Variants in GDAP1L1 observed in about 807,000 individuals in gnomAD.
The protein encoded by GDAP1L1 is ganglioside induced differentiation associated protein 1 like 1, also known as ganglioside-induced differentiation-associated protein 1-like 1.
Under a neutral mutation model 37.1 loss-of-function variants are expected in GDAP1L1, and 21 were observed. The ratio of observed to expected loss-of-function variants is 0.57; its 90% CI spans 0.40 to 0.81. GDAP1L1 has a LOEUF of 0.81. Ranked by LOEUF, GDAP1L1 falls within the 40% of genes least tolerant of loss-of-function variation. GDAP1L1 has a pLI of 0.00. For synonymous variants in GDAP1L1, 193 were observed against 209.1 expected (o/e 0.92, Z 0.67); for missense variants, 362 against 491.6 (o/e 0.74, Z 2.49).
At chr20:44,247,544 G>A in intron 1 of GDAP1L1, 30 bp downstream of exon 1, 1 of 1,467,626 alleles carries the variant, frequency 6.8e-7, no homozygotes, top group Non-Finnish European at 9.0e-7. Flanking sequence ...CGCCTGCGCC[G>A]GTGGCCAGGA....
chr20:44,265,599 T>C (rs1449266720), intron 5 of GDAP1L1: 2 of 563,408 alleles, frequency 3.5e-6, no homozygotes, highest in Non-Finnish European at 4.5e-6. Context: ...GCTTTCCCTA[T>C]TGAAGCCTCA....
chr20:44,272,969 GAA>G (rs949550401), intron 5 of GDAP1L1, among the ~76,000 whole-genome samples: 16 of 152,208 alleles, frequency 1.1e-4, no homozygotes, highest in African/African-American at 3.9e-4. Flanking sequence ...ACAGACGCAT[GAA>G]GAGATCTGCA....
chr20:44,267,573 T>C (rs1204994820), intron 5 of GDAP1L1, among the ~76,000 whole-genome samples: 2 of 148,424 alleles, frequency 1.3e-5, no homozygotes, highest in African/African-American at 5.0e-5. Context: ...ATTGTACCAC[T>C]GCACTCCAGC....
At position 44,276,444 on chromosome 20, in the gene GDAP1L1, G is replaced by GA. The variant is rs140470094; in HGVS notation, c.761-2510dup. 3.1e-3 allele frequency among the ~76,000 whole-genome samples: 406 copies of GA among 129,190 alleles called. 6 individuals are homozygous for GA. The highest frequency in any genetic ancestry group is 0.012 in the East Asian group (30 of 2,440). 84.8% of individuals were successfully genotyped at this position (129,190 alleles called of 152,430 possible). A position where few individuals can be genotyped will look rare whatever the true frequency, so the allele number is the denominator to read the frequency against. ...AGAAAGAAAGAAAGAAAGAAAGAAA[G>GA]AAAGAAAGAAAGAAAGAAAGAAAAA... On this transcript the variant is annotated intron_variant, in intron 5 of 5. Transcript: ENST00000342560.
rs956639772 is a variant in GDAP1L1, at chr20:44,257,042, T to TC, written c.181-107dup. On this transcript the variant is annotated intron_variant, in intron 1 of 5. Coordinates refer to ENST00000342560, the MANE Select transcript of GDAP1L1 (RefSeq NM_024034.6). The stretch of plus-strand genomic sequence containing the variant: ...CAAGAATGGGCTGAAAGCAATCGTG[T>TC]CCCCTCCTGTGTGTGACCTCTGACC... 1.2e-5 allele frequency: 13 copies of TC among 1,124,872 alleles called. No individual in the cohort carries two copies. The African/African-American group carries it at 1.9e-4, about 16-fold the overall frequency. The allele number at this position is 1,124,872 out of a possible 1,614,324, so 69.7% of individuals were successfully genotyped here.
At position 44,279,061 on chromosome 20, in the gene GDAP1L1, T is replaced by C. The variant is rs749288709; in HGVS notation, c.865T>C (p.Tyr289His). The change falls in exon 6 of 6, where the codon TAC becomes CAC. Residue 289 changes from tyrosine to histidine, a missense_variant. Physicochemically the swap from Tyr to His is moderately conservative, Grantham distance 83. Transcript: ENST00000342560. Reference sequence around the variant, plus strand: ...CAAGTTCCTGGGACTGTCCAAGAAATACTGGGAAGATGGCAGCCGGCCCAA... The same window carrying C: ...CAAGTTCCTGGGACTGTCCAAGAAACACTGGGAAGATGGCAGCCGGCCCAA... ...RLKFLGLSKK[Y>H]WEDGSRPNLQ... 1.1e-5 allele frequency: 18 copies of C among 1,613,938 alleles called. No homozygotes were observed. The Admixed American group carries it at 2.0e-4, about 18-fold the overall frequency.
Position 44,280,188 on chromosome 20 carries a change from C to T in GDAP1L1, c.*888C>T, listed in dbSNP as rs577220105. 9.3e-5 allele frequency: 22 copies of T among 236,428 alleles called. No homozygotes were observed. Among genetic ancestry groups the T allele is most frequent in the African/African-American group, 4.1e-4 (18 of 44,254 alleles). The allele number at this position is 236,428 out of a possible 1,614,324, so 14.6% of individuals were successfully genotyped here. A position where few individuals can be genotyped will look rare whatever the true frequency, so the allele number is the denominator to read the frequency against. The stretch of plus-strand genomic sequence containing the variant: ...AATATCCCCCCCTTCCTGTCACTCC[C>T]GGGGCTGTCCCTGTACTACACGGTG... On this transcript the variant is annotated 3_prime_UTR_variant, in exon 6 of 6. Transcript: ENST00000342560.
intron 5 of GDAP1L1, among the ~76,000 whole-genome samples, chr20:44,272,168 G>T (rs1036217662): frequency 2.0e-5 from 3 of 152,206 alleles, no homozygotes; most frequent in African/African-American, 7.2e-5. Flanking sequence ...ACATGGAGAA[G>T]GGGGAGGAGC....
chr20:44,258,508 G>T lies in GDAP1L1; in HGVS notation c.448G>T (p.Asp150Tyr), dbSNP rs1248336558. The change falls in exon 3 of 6, where the codon GAC becomes TAC. Residue 150 changes from aspartate to tyrosine, a missense_variant. Around this residue, in one of 2 missense-constraint regions of GDAP1L1, gnomAD observed 277 missense variants for 337.1 expected, o/e 0.82. Coordinates refer to ENST00000342560, the MANE Select transcript of GDAP1L1 (RefSeq NM_024034.6). ...ARVLQYRELL[D>Y]ALPMDAYTHG... ...GGTGCTGCAGTACCGGGAGCTGCTG[G>T]ACGCACTGCCCATGGATGCCTACAC... 6.4e-7 allele frequency: 1 copy of T among 1,566,686 alleles called. No individual in the cohort carries two copies. Among genetic ancestry groups the T allele is most frequent in the African/African-American group, 1.4e-5 (1 of 73,584 alleles).
rs537158803 is a variant in GDAP1L1, at chr20:44,266,889, G to A, written c.760+2330G>A. 1.4e-4 allele frequency among the ~76,000 whole-genome samples: 21 copies of A among 152,262 alleles called. No individual in the cohort carries two copies. The South Asian group carries it at 3.5e-3, about 26-fold the overall frequency. On this transcript the variant is annotated intron_variant, in intron 5 of 5. Transcript: ENST00000342560. ...TCTTTTGGCTTCCTTGGGCCACATT[G>A]GAAGAAGAGTAACTGTCCTGGGCCA...
chr20:44,258,392 G>T (rs553730085), intron 2 of GDAP1L1, 42 bp from the exon 3 acceptor site: 2 of 1,536,106 alleles, frequency 1.3e-6, no homozygotes, highest in Non-Finnish European at 1.8e-6. Flanking sequence ...CGGGGCAGGT[G>T]CCCCTCTGGC....
At position 44,264,621 on chromosome 20, in the gene GDAP1L1, C is replaced by T. The variant is rs753234746; in HGVS notation, c.760+62C>T. On this transcript the variant is annotated intron_variant, in intron 5 of 5. Transcript: ENST00000342560. The stretch of plus-strand genomic sequence containing the variant: ...CCACCCAGCCTACTCTTCCCCTGCC[C>T]AGTCTCAGCCTCTTTTTTCCGCAAA... 2.4e-5 allele frequency: 37 copies of T among 1,570,684 alleles called. No individual in the cohort carries two copies. The Middle Eastern group carries it at 5.0e-4, about 21-fold the overall frequency.
rs2062521085 is a variant in GDAP1L1 at position 44,271,988 on chromosome 20, A to G, written c.761-6969A>G. ...TTCAGGAACCTGGACAGAGGTGGTC[A>G]CTGCCAGCCGTGATGACTCGCAGAG... On this transcript the variant is annotated intron_variant, in intron 5 of 5. Transcript: ENST00000342560. Among the ~76,000 whole-genome samples the G allele has an allele frequency of 2.6e-5, 4 of 152,320 alleles. No individual in the cohort carries two copies. In the South Asian group the frequency reaches 6.2e-4, roughly 24 times the overall value.
chr20:44,276,954 C>A (rs1312234640), intron 5 of GDAP1L1, among the ~76,000 whole-genome samples: 4 of 152,170 alleles, frequency 2.6e-5, no homozygotes, highest in African/African-American at 9.7e-5. Flanking sequence ...GCCAGCTTCT[C>A]CTGGGCTTCA....
rs1332619140 is a variant in GDAP1L1 at position 44,279,049 on chromosome 20, C to T, written c.853C>T (p.Leu285=). Residue 285 remains leucine, a synonymous_variant, in exon 6 of 6, where the codon CTG becomes TTG. Coordinates refer to ENST00000342560, the MANE Select transcript of GDAP1L1 (RefSeq NM_024034.6). ...ATLHRLKFLG[L]SKKYWEDGSR... is the part of the protein sequence containing the mutation. ...CCTGCACCGCCTCAAGTTCCTGGGA[C>T]TGTCCAAGAAATACTGGGAAGATGG... 1 of 1,614,036 alleles carries T rather than the reference C, an allele frequency of 6.2e-7. No individual in the cohort carries two copies. The highest frequency in any genetic ancestry group is 1.1e-5 in the South Asian group (1 of 91,072).
At chr20:44,254,504 C>A (rs1272226291) in intron 1 of GDAP1L1, among the ~76,000 whole-genome samples, 2 of 152,218 alleles carry the variant, frequency 1.3e-5, no homozygotes, top group Non-Finnish European at 2.9e-5. Context: ...CTGCCTCCTG[C>A]AAGGTTGTGA....
At chr20:44,276,428 GAAA>G (rs2062578522) in intron 5 of GDAP1L1, among the ~76,000 whole-genome samples, 1 of 138,488 alleles carries the variant, frequency 7.2e-6, no homozygotes, top group Admixed American at 8.0e-5. Context: ...AAGAAAGAAA[GAAA>G]GAAAGAAAGA....
intron 1 of GDAP1L1, among the ~76,000 whole-genome samples, chr20:44,256,583 C>T (rs2073550250): frequency 6.6e-6 from 1 of 151,852 alleles, no homozygotes; most frequent in Admixed American, 6.6e-5. Context: ...TCGCTTGAGT[C>T]CAGGAGGCAG....
chr20:44,253,126 C>T (rs1327167151), intron 1 of GDAP1L1, among the ~76,000 whole-genome samples: 1 of 152,186 alleles, frequency 6.6e-6, no homozygotes, highest in Non-Finnish European at 1.5e-5. Context: ...TACCCCGATT[C>T]CCCTTCCCTG....
Sources: allele counts gnomAD v4.1 joint callset (sites outside exome capture counted in the v4.1 genomes callset), GRCh38; gene constraint gnomAD v4.1.1; regional missense constraint gnomAD v4.1.1; transcripts MANE v1.5; gene names NCBI Gene and HGNC (gene_info 2026-07-23, HGNC 2026-07-21).